UBE3C: variants seen among roughly 807,000 people sequenced by gnomAD.
UBE3C encodes ubiquitin-protein ligase E3C.
UBE3C carries 42 observed loss-of-function variants against 129.4 expected under a neutral mutation model. The observed-to-expected ratio is 0.32, with a 90% CI of 0.25 to 0.42. The LOEUF (loss-of-function observed/expected upper bound fraction) is 0.42. Ranked by LOEUF, UBE3C falls within the 10% of genes least tolerant of loss-of-function variation. UBE3C has a pLI of 1.00. For missense variants in UBE3C, 1,049 were observed against 1,319.1 expected (o/e 0.80, Z 3.17); for synonymous variants, 510 against 492.4 (o/e 1.04, Z -0.47).
At chr7:157,230,554 G>T (rs1438250133) in intron 17 of UBE3C, among the ~76,000 whole-genome samples, 2 of 152,022 alleles carry the variant, frequency 1.3e-5, no homozygotes, top group Non-Finnish European at 2.9e-5. Flanking sequence ...AATTAGCCAG[G>T]TGTGGTGGCA....
chr7:157,231,648 AC>A (rs1429454082), intron 18 of UBE3C: 5 of 307,628 alleles, frequency 1.6e-5, no homozygotes, highest in Non-Finnish European at 3.1e-5. Flanking sequence ...GGCCCTGGTG[AC>A]TTTTTACAGG....
rs991523379 is a variant in UBE3C at position 157,261,339 on chromosome 7, A to C, written c.3081+4295A>C. ...AAAAAAAAAAAAAAAAAAAAAAAAA[A>C]TCCCAAATAGACTAAAAGGGAAAAT... is the stretch of plus-strand genomic sequence containing the variant. On this transcript the variant is annotated intron_variant, in intron 22 of 22. Transcript: ENST00000348165. Among the ~76,000 whole-genome samples the C allele has an allele frequency of 2.0e-4, 20 of 102,156 alleles. 1 individual carries two copies. The South Asian group carries it at 6.5e-3, about 33-fold the overall frequency. 67.0% of individuals were successfully genotyped at this position (102,156 alleles called of 152,430 possible).
Position 157,267,638 on chromosome 7 carries a change from C to T in UBE3C, c.3135C>T (p.Leu1045=), listed in dbSNP as rs1017876182. Residue 1045 remains leucine (L), a synonymous_variant, in exon 23 of 23, where the codon CTC becomes CTT. Transcript: ENST00000348165. ...IHNGGSDLER[L]PTASTCMNLL... is the part of the protein sequence containing the mutation. ...ACGGAGGCTCCGACCTTGAGCGGCT[C>T]CCCACAGCCAGCACCTGCATGAACC... 8 of 1,613,256 alleles carry T rather than the reference C, an allele frequency of 5.0e-6. No homozygotes were observed. In the Admixed American group the frequency reaches 5.0e-5, roughly 10 times the overall value.
At chr7:157,216,264 CTT>C (rs564883947) in intron 13 of UBE3C, among the ~76,000 whole-genome samples, 501 of 152,030 alleles carry the variant, frequency 3.3e-3, no homozygotes, top group Non-Finnish European at 3.6e-3. Context: ...CAGAAATACT[CTT>C]TCAGGAAAAA....
chr7:157,161,718 T>C (rs1297265765), intron 1 of UBE3C, among the ~76,000 whole-genome samples: 1 of 152,084 alleles, frequency 6.6e-6, no homozygotes, highest in African/African-American at 2.4e-5. Context: ...CCTTCCAAAG[T>C]GCTCGGATTA....
chr7:157,171,133 G>A (rs981785317), intron 4 of UBE3C, among the ~76,000 whole-genome samples: 2 of 151,910 alleles, frequency 1.3e-5, no homozygotes, highest in Admixed American at 6.6e-5. Flanking sequence ...TTTGTGGGGA[G>A]GGCACTGAGG....
intron 3 of UBE3C, among the ~76,000 whole-genome samples, 172 bp downstream of exon 3, chr7:157,169,294 G>C (rs1808300979): frequency 6.6e-6 from 1 of 151,594 alleles, no homozygotes; most frequent in South Asian, 2.1e-4. Flanking sequence ...TGAGTTTTTA[G>C]GTAATTTTTA....
rs563176422 is a variant in UBE3C at position 157,265,341 on chromosome 7, C to T, written c.3082-2244C>T. On this transcript the variant is annotated intron_variant, in intron 22 of 22. Coordinates refer to ENST00000348165, the MANE Select transcript of UBE3C (RefSeq NM_014671.3). ...TCCTGTTGGAAGAGAACACATAAAT[C>T]ACGTATCTCAAATGTGAGGCAAATA... is the stretch of plus-strand genomic sequence containing the variant. Among the ~76,000 whole-genome samples the T allele has an allele frequency of 3.9e-4, 60 of 152,350 alleles. No homozygotes were observed. In the South Asian group the frequency reaches 4.6e-3, roughly 12 times the overall value.
intron 1 of UBE3C, among the ~76,000 whole-genome samples, chr7:157,154,989 G>A (rs966665343): frequency 8.5e-5 from 13 of 152,070 alleles, no homozygotes; most frequent in African/African-American, 2.9e-4. Context: ...ATGGTAAATG[G>A]TCAAATATTT....
intron 10 of UBE3C, among the ~76,000 whole-genome samples, chr7:157,191,590 G>A (rs897550395): frequency 2.0e-5 from 3 of 152,162 alleles, no homozygotes; most frequent in Non-Finnish European, 4.4e-5. Flanking sequence ...AAGTCACTGC[G>A]CCCAGCCCCT....
chr7:157,230,630 G>A (rs1267919686), intron 17 of UBE3C, among the ~76,000 whole-genome samples: 1 of 151,360 alleles, frequency 6.6e-6, no homozygotes, highest in African/African-American at 2.4e-5. Flanking sequence ...GGGAGGCGGA[G>A]GTTGCAGTGA....
At chr7:157,245,992 C>CA (rs56270719) in intron 18 of UBE3C, among the ~76,000 whole-genome samples, 3,737 of 85,414 alleles carry the variant, frequency 0.044, 235 homozygotes, top group African/African-American at 0.084. Flanking sequence ...GACTCCGTCT[C>CA]AAAAAAAAAA....
chr7:157,216,283 C>G (rs1795566549), intron 13 of UBE3C, among the ~76,000 whole-genome samples: 1 of 151,534 alleles, frequency 6.6e-6, no homozygotes, highest in African/African-American at 2.4e-5. Context: ...AAAAGTTGTA[C>G]AAAATTGCAC....
intron 18 of UBE3C, among the ~76,000 whole-genome samples, chr7:157,234,648 A>C (rs1322455826): frequency 6.6e-6 from 1 of 152,182 alleles, no homozygotes. Context: ...CAGTGATTTT[A>C]AGTGCTCTTC....
intron 10 of UBE3C, 61 bp downstream of exon 10, chr7:157,187,082 G>A: frequency 6.7e-7 from 1 of 1,503,286 alleles, no homozygotes; most frequent in Non-Finnish European, 8.9e-7. Flanking sequence ...CTTCCTCCCT[G>A]GGAATTGCTC....
At chr7:157,192,386 A>G in intron 10 of UBE3C, 1 of 680,916 alleles carries the variant, frequency 1.5e-6, no homozygotes, top group South Asian at 1.4e-5. Flanking sequence ...TTCCATAAAA[A>G]CCCTTACGGG....
chr7:157,201,760 A>G lies in UBE3C; in HGVS notation c.1371A>G (p.Arg457=), dbSNP rs776693985. ...TAGCCTTTAATGCCAGGTTTCTGAG[A>G]CATCTTTGGTTTCTAATATCTTCCA... is the stretch of plus-strand genomic sequence containing the variant. ...YSLAFNARFL[R]HLWFLISSMS... is the part of the protein sequence containing the mutation. Residue 457 remains arginine (R), a synonymous_variant, in exon 11 of 23, where the codon AGA becomes AGG. Coordinates refer to ENST00000348165, the MANE Select transcript of UBE3C (RefSeq NM_014671.3). 6.2e-7 allele frequency: 1 copy of G among 1,609,476 alleles called. No homozygotes were observed. Among genetic ancestry groups the G allele is most frequent in the East Asian group, 2.2e-5 (1 of 44,514 alleles).
At position 157,216,928 on chromosome 7, in the gene UBE3C, C is replaced by A; in HGVS notation, c.1871C>A (p.Pro624Gln). The change falls in exon 14 of 23, where the codon CCA (proline) becomes CAA (glutamine). Residue 624 changes from proline (P) to glutamine (Q), a missense_variant. By Grantham distance (76) the Pro-to-Gln change is moderately conservative. This residue lies in a region of UBE3C where 314 missense variants were observed against 416.9 expected (regional missense o/e 0.75). Transcript: ENST00000348165. ...SRDTRRNFCP[P>Q]NHWLSEQEDI... ...GACACGAGGAGAAATTTTTGTCCTCCAAACCACTGGCTGTCAGAACAAGAA... is the reference window on the plus strand; with the variant it reads ...GACACGAGGAGAAATTTTTGTCCTCAAAACCACTGGCTGTCAGAACAAGAA... 6.2e-7 allele frequency: 1 copy of A among 1,613,982 alleles called. No individual in the cohort carries two copies.
chr7:157,229,171 T>G (rs1170987705), intron 17 of UBE3C, among the ~76,000 whole-genome samples: 1 of 152,090 alleles, frequency 6.6e-6, no homozygotes, highest in East Asian at 1.9e-4. Flanking sequence ...TCCCCCTATC[T>G]TTTCTGCAAA....
Sources: gnomAD v4.1 joint callset for allele counts (sites outside exome capture counted in the v4.1 genomes callset) on GRCh38, gnomAD v4.1.1 for gene constraint, gnomAD v4.1.1 regional missense constraint, MANE v1.5 for transcripts, NCBI Gene and HGNC (gene_info 2026-07-23, HGNC 2026-07-21) for gene names.